Variants in MFF observed in about 807,000 individuals in gnomAD.
MFF encodes mitochondrial fission factor.
A neutral mutation model predicts 36.9 loss-of-function variants in MFF; 12 were observed. That is an observed-to-expected ratio of 0.33 (90% CI 0.21 to 0.53). The LOEUF (loss-of-function observed/expected upper bound fraction) is 0.53, where lower values mean the gene tolerates loss of function less well. MFF is among the 20% of genes least tolerant of loss of function. The probability of loss-of-function intolerance (pLI) is 0.95; values close to 1 mark genes in which losing one functional copy is unlikely to be tolerated. For missense variants in MFF, 348 were observed against 366.6 expected (o/e 0.95, Z 0.42); for synonymous variants, 99 against 126.2 (o/e 0.78, Z 1.44).
intron 5 of MFF, among the ~76,000 whole-genome samples, chr2:227,343,168 A>AT (rs147027013): frequency 0.14 from 19,848 of 146,700 alleles, 1,311 homozygotes; most frequent in Middle Eastern, 0.16. Flanking sequence ...AGTGATCCCA[A>AT]TTTTTTTTTT....
intron 7 of MFF, among the ~76,000 whole-genome samples, chr2:227,353,723 A>G (rs1355379276): frequency 6.6e-6 from 1 of 152,176 alleles, no homozygotes; most frequent in Non-Finnish European, 1.5e-5. Flanking sequence ...GTATATAGGT[A>G]AAATCTTTTG....
intron 6 of MFF, among the ~76,000 whole-genome samples, chr2:227,350,095 GATGATCT>G (rs2075913706): frequency 6.6e-6 from 1 of 152,066 alleles, no homozygotes. Context: ...CAAGAATGTA[GATGATCT>G]AAACCAAACT....
intron 6 of MFF, among the ~76,000 whole-genome samples, chr2:227,347,940 A>C (rs1011538004): frequency 3.3e-5 from 5 of 152,204 alleles, no homozygotes; most frequent in Non-Finnish European, 5.9e-5. Flanking sequence ...CTCACTTTTG[A>C]ACATCTCCAG....
At chr2:227,337,384 T>C (rs960047439) in intron 4 of MFF, among the ~76,000 whole-genome samples, 2 of 152,174 alleles carry the variant, frequency 1.3e-5, no homozygotes, top group African/African-American at 4.8e-5. Context: ...CTTTCCCCCT[T>C]CTGCATAAAA....
chr2:227,352,699 TGAGTACATCTTGCTTCTCTCTAA>T, intron 7 of MFF, 126 bp downstream of exon 7: 2 of 761,382 alleles, frequency 2.6e-6, no homozygotes, highest in Non-Finnish European at 4.6e-6. Context: ...CTTTCCTCGA[TGAGTACATCTTGCTTCTCTCTAA>T]GAACAGTGAA....
At chr2:227,356,141 C>A (rs60622360) in intron 8 of MFF, among the ~76,000 whole-genome samples, 1 of 151,992 alleles carries the variant, frequency 6.6e-6, no homozygotes, top group Non-Finnish European at 1.5e-5. Flanking sequence ...TACGTATTTC[C>A]TGTATTCTGT....
intron 4 of MFF, among the ~76,000 whole-genome samples, chr2:227,334,126 A>G (rs2074809999): frequency 6.6e-6 from 1 of 152,228 alleles, no homozygotes; most frequent in Non-Finnish European, 1.5e-5. Context: ...GTTATTTAAC[A>G]GTTCTAGGGC....
intron 1 of MFF, among the ~76,000 whole-genome samples, chr2:227,326,878 G>A (rs1055451486): frequency 6.6e-6 from 1 of 152,078 alleles, no homozygotes; most frequent in African/African-American, 2.4e-5. Context: ...AGTTGTTTCG[G>A]TGACTTCCGA....
intron 3 of MFF, among the ~76,000 whole-genome samples, chr2:227,331,353 T>G (rs1457891734): frequency 6.6e-6 from 1 of 152,244 alleles, no homozygotes; most frequent in Non-Finnish European, 1.5e-5. Context: ...CATATATCAG[T>G]TGTTCATTCA....
At chr2:227,328,310 A>C (rs1282791756) in intron 1 of MFF, among the ~76,000 whole-genome samples, 1 of 147,738 alleles carries the variant, frequency 6.8e-6, no homozygotes, top group South Asian at 2.2e-4. Context: ...AAAAAAAAAA[A>C]AAAAAAAAAA....
At chr2:227,327,069 G>A (rs992417115) in intron 1 of MFF, among the ~76,000 whole-genome samples, 1 of 151,954 alleles carries the variant, frequency 6.6e-6, no homozygotes. Context: ...TACAGCCATG[G>A]TTTAAGGTAG....
chr2:227,343,100 T>C (rs892526780), intron 5 of MFF, among the ~76,000 whole-genome samples: 1 of 152,124 alleles, frequency 6.6e-6, no homozygotes, highest in African/African-American at 2.4e-5. Context: ...CATCCTTTTT[T>C]GTTTATTTTG....
chr2:227,336,929 T>A (rs1179296650), intron 4 of MFF, among the ~76,000 whole-genome samples: 1 of 152,148 alleles, frequency 6.6e-6, no homozygotes, highest in East Asian at 1.9e-4. Context: ...AGGGACTCAG[T>A]GAATATTTAA....
intron 4 of MFF, among the ~76,000 whole-genome samples, chr2:227,337,690 AGCCTCCGGGATGAATAAAACT>A (rs1476965509): frequency 2.6e-5 from 4 of 152,218 alleles, no homozygotes; most frequent in Non-Finnish European, 5.9e-5. Flanking sequence ...ACTATTTCTC[AGCCTCCGGGATGAATAAAACT>A]AAGTGCATAA....
At chr2:227,340,212 T>C in intron 4 of MFF, 80 bp from the exon 5 acceptor site, 1 of 1,162,570 alleles carries the variant, frequency 8.6e-7, no homozygotes, top group Non-Finnish European at 1.3e-6. Flanking sequence ...TAGCCTTGTA[T>C]CGAGGTTCTT....
intron 5 of MFF, among the ~76,000 whole-genome samples, chr2:227,343,342 G>C (rs2075519460): frequency 6.6e-6 from 1 of 152,060 alleles, no homozygotes; most frequent in Non-Finnish European, 1.5e-5. Context: ...ACAAAATAAG[G>C]TATGAGAATG....
At chr2:227,355,016 C>T (rs2076189394) in intron 7 of MFF, among the ~76,000 whole-genome samples, 1 of 152,094 alleles carries the variant, frequency 6.6e-6, no homozygotes, top group Non-Finnish European at 1.5e-5. Flanking sequence ...CAAAAATTAG[C>T]CGGGCATGGT....
At chr2:227,354,701 T>C (rs1309061947) in intron 7 of MFF, among the ~76,000 whole-genome samples, 2 of 150,726 alleles carry the variant, frequency 1.3e-5, no homozygotes, top group Non-Finnish European at 2.9e-5. Context: ...TTTTTTAATA[T>C]GCTTTCTCTG....
chr2:227,332,165 G>A (rs927301528), intron 3 of MFF, among the ~76,000 whole-genome samples: 2 of 150,382 alleles, frequency 1.3e-5, no homozygotes, highest in Non-Finnish European at 3.0e-5. Context: ...GTAGAGACGG[G>A]GTTTCACCGT....
Sources: allele counts gnomAD v4.1 joint callset (sites outside exome capture counted in the v4.1 genomes callset), GRCh38; gene constraint gnomAD v4.1.1; transcripts MANE v1.5; gene names NCBI Gene and HGNC (gene_info 2026-07-23, HGNC 2026-07-21).